The following HELZ variants were observed in gnomAD, a reference collection of about 807,000 sequenced individuals.
HELZ encodes the protein ATP-dependent RNA helicase with zinc finger domain.
HELZ carries 23 observed loss-of-function variants against 218.2 expected under a neutral mutation model. The observed-to-expected ratio is 0.11, with a 90% CI of 0.08 to 0.15. HELZ has a LOEUF of 0.15. Among genes scored for constraint, HELZ ranks in the 10% least tolerant of loss-of-function variants. The probability of loss-of-function intolerance (pLI) is 1.00; values close to 1 mark genes in which losing one functional copy is unlikely to be tolerated. For synonymous variants in HELZ, 814 were observed against 829.4 expected, an observed-to-expected ratio of 0.98 and a Z score of 0.32; for missense variants, 1,813 against 2,353.7, an observed-to-expected ratio of 0.77 and a Z score of 4.75.
At chr17:67,098,573 A>T (rs945549068) in intron 31 of HELZ, among the ~76,000 whole-genome samples, 15 of 111,744 alleles carry the variant, frequency 1.3e-4, no homozygotes, top group Admixed American at 1.3e-3. Context: ...CGTCTCTACT[A>T]AAAAAAAAAA....
At position 67,243,983 on chromosome 17, in the gene HELZ, A is replaced by G. The variant is rs979384395; in HGVS notation, c.-131-144T>C. ...AATGGTACAGTGTGCAGCTTTGCAA[A>G]TGAGTCTGGTTTTTGACCTTAAAAC... On this transcript the variant is annotated intron_variant, in intron 1 of 32. Transcript: ENST00000358691. 28 of 985,238 alleles carry G rather than the reference A, an allele frequency of 2.8e-5. No homozygotes were observed. The African/African-American group carries it at 4.5e-4, about 16-fold the overall frequency. 61.0% of individuals were successfully genotyped at this position (985,238 alleles called of 1,614,324 possible).
Position 67,108,565 on chromosome 17 carries a change from G to A in HELZ, c.4651C>T (p.His1551Tyr). The A allele has an allele frequency of 6.2e-7, 1 of 1,614,064 alleles. No individual in the cohort carries two copies. The highest frequency in any genetic ancestry group is 8.5e-7 in the Non-Finnish European group (1 of 1,179,970). Residue 1551 changes from histidine (H) to tyrosine (Y), a missense_variant, in exon 30 of 33, where the codon CAT becomes TAT. Coordinates refer to ENST00000358691, the MANE Select transcript of HELZ (RefSeq NM_014877.4). This position sits in a 1 kb window ranked among gnomAD's most constrained non-coding sequence, Gnocchi z 4.1. ...QHLPQPPLGL[H>Y]QPPVRADWKL... Reference sequence around the variant, plus strand: ...CAGTCTGCCCTCACTGGCGGCTGATGTAATCCCAGGGGCGGCTGAGGAAGA... The same window carrying A: ...CAGTCTGCCCTCACTGGCGGCTGATATAATCCCAGGGGCGGCTGAGGAAGA...
At chr17:67,171,925 G>A (rs1208784043) in intron 13 of HELZ, among the ~76,000 whole-genome samples, 3 of 151,428 alleles carry the variant, frequency 2.0e-5, no homozygotes, top group African/African-American at 2.4e-5. Flanking sequence ...TCCACCTCCC[G>A]GGTTCAAGCG....
At chr17:67,189,082 G>T (rs2039830586) in intron 11 of HELZ, among the ~76,000 whole-genome samples, 2 of 152,136 alleles carry the variant, frequency 1.3e-5, no homozygotes, top group Admixed American at 6.6e-5. Flanking sequence ...TTTCCACTGA[G>T]CATACTCACA....
In HELZ at chr17:67,151,188, G is replaced by A; in HGVS notation, c.2214C>T (p.His738=). 1 of 1,613,584 alleles carries A rather than the reference G, an allele frequency of 6.2e-7. No individual in the cohort carries two copies. Among genetic ancestry groups the A allele is most frequent in the Non-Finnish European group, 8.5e-7 (1 of 1,179,660 alleles). Residue 738 remains histidine (H), a synonymous_variant, in exon 18 of 33, where the codon CAC becomes CAT. Transcript: ENST00000358691. The part of the protein sequence containing the change: ...YFRNRWVKTV[H]PVVHQYCLIS... ...TCAAACAGTACTGATGCACAACTGG[G>A]TGGACAGTCTTTACCCAGCGATTTC...
At position 67,178,843 on chromosome 17, in the gene HELZ, A is replaced by C. The variant is rs745609621; in HGVS notation, c.1246T>G (p.Phe416Val). The change falls in exon 13 of 33, where the codon TTT (phenylalanine) becomes GTT (valine). Residue 416 changes from phenylalanine (F) to valine (V), a missense_variant. Phe to Val is a conservative substitution (Grantham distance 50). This residue lies in a region of HELZ where 714 missense variants were observed against 1,029.2 expected (regional missense o/e 0.69). Coordinates refer to ENST00000358691, the MANE Select transcript of HELZ (RefSeq NM_014877.4). ...WDSSSKTIID[F>V]EPNETTDLEK... ...AAATCAGTAGTTTCATTAGGTTCAAAATCTATAATAGTCTTAGAGGAAGAA... is the reference window on the plus strand; with the variant it reads ...AAATCAGTAGTTTCATTAGGTTCAACATCTATAATAGTCTTAGAGGAAGAA... 1.2e-6 allele frequency: 2 copies of C among 1,613,554 alleles called. No homozygotes were observed. Among genetic ancestry groups the C allele is most frequent in the Non-Finnish European group, 8.5e-7 (1 of 1,179,668 alleles).
At chr17:67,244,145 A>G (rs887023569) in intron 1 of HELZ, 4 of 309,860 alleles carry the variant, frequency 1.3e-5, no homozygotes, top group Non-Finnish European at 1.8e-5. Context: ...AATTTCATTA[A>G]TATGAGTTTA....
intron 6 of HELZ, among the ~76,000 whole-genome samples, chr17:67,202,313 T>C (rs552532830): frequency 4.1e-4 from 63 of 152,202 alleles, no homozygotes; most frequent in Middle Eastern, 3.4e-3. Flanking sequence ...CTTTCAATTA[T>C]CTCAACCAAA....
Position 67,167,687 on chromosome 17 carries a change from T to A in HELZ, c.1540A>T (p.Thr514Ser). The change falls in exon 14 of 33, where the codon ACT (threonine) becomes TCT (serine). Residue 514 changes from threonine to serine, a missense_variant. Coordinates refer to ENST00000358691, the MANE Select transcript of HELZ (RefSeq NM_014877.4). Reference sequence around the variant, plus strand: ...AAAGTATCTTCAGAAAGTGTTTCAGTAAGCTTAAAGCGACCAAAAAGTTGT... The same window carrying A: ...AAAGTATCTTCAGAAAGTGTTTCAGAAAGCTTAAAGCGACCAAAAAGTTGT... ...NGQLFGRFKLTETLSEDTLAG... is the reference protein window; with the variant it reads ...NGQLFGRFKLSETLSEDTLAG... The A allele has an allele frequency of 6.2e-7, 1 of 1,614,200 alleles. No homozygotes were observed. Among genetic ancestry groups the A allele is most frequent in the Non-Finnish European group, 8.5e-7 (1 of 1,180,020 alleles).
chr17:67,222,281 T>C (rs2143339072), intron 3 of HELZ, among the ~76,000 whole-genome samples: 1 of 152,316 alleles, frequency 6.6e-6, no homozygotes, highest in South Asian at 2.1e-4. Context: ...GTAATGATTA[T>C]CCAAAGAATA....
intron 5 of HELZ, among the ~76,000 whole-genome samples, chr17:67,210,501 TA>T (rs34652080): frequency 7.2e-5 from 11 of 152,236 alleles, no homozygotes; most frequent in African/African-American, 2.7e-4. Context: ...TACAGCCTCA[TA>T]AAAAATTTTC....
chr17:67,107,359 G>A lies in HELZ; in HGVS notation c.5051C>T (p.Thr1684Ile). 1 of 1,614,240 alleles carries A rather than the reference G, an allele frequency of 6.2e-7. No individual in the cohort carries two copies. Reference protein sequence around the residue: ...LKYLAPDGAWTFANLQQNHLM... With the variant: ...LKYLAPDGAWIFANLQQNHLM... ...GTGATTCTGTTGCAAGTTAGCAAAA[G>A]TCCATGCTCCATCAGGTGCCAGGTA... is the stretch of plus-strand genomic sequence containing the variant. Residue 1684 changes from threonine (T) to isoleucine (I), a missense_variant, in exon 31 of 33, where the codon ACT becomes ATT. This residue lies in a region of HELZ where 938 missense variants were observed against 1,027.5 expected (regional missense o/e 0.91). Coordinates refer to ENST00000358691, the MANE Select transcript of HELZ (RefSeq NM_014877.4).
intron 5 of HELZ, among the ~76,000 whole-genome samples, chr17:67,208,034 A>G (rs2040350129): frequency 6.6e-6 from 1 of 152,282 alleles, no homozygotes; most frequent in African/African-American, 2.4e-5. Flanking sequence ...ATGGATCTCA[A>G]GAGGACCATG....
chr17:67,081,088 A>C (rs1298601591), intron 32 of HELZ, among the ~76,000 whole-genome samples: 1 of 152,264 alleles, frequency 6.6e-6, no homozygotes, highest in Non-Finnish European at 1.5e-5. Flanking sequence ...TAGCTTGAAG[A>C]TAAGCCACTT....
At chr17:67,196,138 C>A (rs112300959) in intron 7 of HELZ, among the ~76,000 whole-genome samples, 312 of 152,280 alleles carry the variant, frequency 2.0e-3, no homozygotes, top group African/African-American at 7.2e-3. Context: ...AGGCGTGAGC[C>A]ACCACGCCCG....
chr17:67,233,710 C>T (rs535142213), intron 3 of HELZ, among the ~76,000 whole-genome samples: 1 of 152,102 alleles, frequency 6.6e-6, no homozygotes, highest in Admixed American at 6.6e-5. Flanking sequence ...AAACCAAATT[C>T]ATCTTCATTC....
At chr17:67,135,933 T>C (rs545403343) in intron 23 of HELZ, 37 bp downstream of exon 23, 19 of 1,494,724 alleles carry the variant, frequency 1.3e-5, no homozygotes, top group Non-Finnish European at 1.7e-5. Flanking sequence ...TCATGTCACA[T>C]TTCCCCTTTA....
chr17:67,239,308 G>C (rs907286050), intron 3 of HELZ, 125 bp downstream of exon 3: 1 of 152,200 alleles, frequency 6.6e-6, no homozygotes, highest in African/African-American at 2.4e-5. Context: ...GATTCCGTTA[G>C]GATCTGTGCC....
chr17:67,245,411 G>GT, upstream of HELZ: 1 of 880,506 alleles, frequency 1.1e-6, no homozygotes, highest in Non-Finnish European at 1.4e-6. Flanking sequence ...TGGCTTTGGG[G>GT]TTTTCTCCCT....
Sources: allele counts gnomAD v4.1 joint callset (sites outside exome capture counted in the v4.1 genomes callset), GRCh38; gene constraint gnomAD v4.1.1; regional missense constraint gnomAD v4.1.1; non-coding constraint Gnocchi (gnomAD v3.1); transcripts MANE v1.5; gene names NCBI Gene and HGNC (gene_info 2026-07-23, HGNC 2026-07-21).